The following MARCHF5 variants were observed in gnomAD, a reference collection of about 807,000 sequenced individuals.
The protein encoded by MARCHF5 is E3 ubiquitin-protein ligase MARCHF5.
In MARCHF5, 5 loss-of-function variants were observed where a neutral mutation model predicts 36.5. That is an observed-to-expected ratio of 0.14 (90% CI 0.07 to 0.29). The LOEUF (loss-of-function observed/expected upper bound fraction) is 0.29. MARCHF5 is among the 10% of genes least tolerant of loss of function. The probability of loss-of-function intolerance (pLI) is 1.00; values close to 1 mark genes in which losing one functional copy is unlikely to be tolerated. For missense variants in MARCHF5, 179 were observed against 336.3 expected, an observed-to-expected ratio of 0.53 and a Z score of 3.66; for synonymous variants, 103 against 109.9, an observed-to-expected ratio of 0.94 and a Z score of 0.39.
intron 2 of MARCHF5, among the ~76,000 whole-genome samples, chr10:92,333,882 T>C (rs1184367026): frequency 2.0e-5 from 3 of 152,146 alleles, no homozygotes; most frequent in Admixed American, 6.6e-5. Flanking sequence ...GGTTGGTGTC[T>C]TAGCTTTAGA....
chr10:92,303,878 A>G (rs1043679666), intron 1 of MARCHF5, among the ~76,000 whole-genome samples: 3 of 152,170 alleles, frequency 2.0e-5, no homozygotes, highest in Admixed American at 1.3e-4. Context: ...TGTTGTCTTC[A>G]TATAATGACA....
intron 2 of MARCHF5, among the ~76,000 whole-genome samples, chr10:92,338,281 G>A (rs745454842): frequency 2.6e-5 from 4 of 152,170 alleles, no homozygotes; most frequent in Non-Finnish European, 4.4e-5. Flanking sequence ...TAGCATTTGA[G>A]GGATCTTTGG....
chr10:92,300,162 C>CA (rs377259892), intron 1 of MARCHF5, among the ~76,000 whole-genome samples: 48,530 of 135,624 alleles, frequency 0.36, 9,953 homozygotes, highest in Middle Eastern at 0.53. Context: ...GACCTTGTCT[C>CA]AAAAAAAAAA....
intron 1 of MARCHF5, among the ~76,000 whole-genome samples, chr10:92,294,512 T>A (rs1017353151): frequency 3.9e-5 from 6 of 152,192 alleles, no homozygotes; most frequent in Non-Finnish European, 8.8e-5. Flanking sequence ...CATGGTTCAC[T>A]TGAGGAATAC....
rs747302868 is a variant in MARCHF5, at chr10:92,349,579, G to A, written c.553+47G>A. On this transcript the variant is annotated intron_variant, in intron 4 of 5. Coordinates refer to ENST00000358935, the MANE Select transcript of MARCHF5 (RefSeq NM_017824.5). The stretch of plus-strand genomic sequence containing the variant: ...GTAAAGTGCATACCAAATTGATCTT[G>A]AAGAACAATAACATGCTTTTTTAGC... The A allele has an allele frequency of 3.1e-6, 5 of 1,594,860 alleles. No individual in the cohort carries two copies. The South Asian group carries it at 5.6e-5, about 18-fold the overall frequency.
intron 3 of MARCHF5, among the ~76,000 whole-genome samples, chr10:92,341,514 A>G (rs935015539): frequency 6.6e-6 from 1 of 152,180 alleles, no homozygotes; most frequent in African/African-American, 2.4e-5. Context: ...TTAGAGAGAC[A>G]TAAATTTCAA....
At chr10:92,335,005 G>A (rs10509644) in intron 2 of MARCHF5, among the ~76,000 whole-genome samples, 51,070 of 151,948 alleles carry the variant, frequency 0.34, 10,762 homozygotes, top group Middle Eastern at 0.52. Context: ...GTTGCCATTC[G>A]TTATGTAAAT....
rs139155679 is a variant in MARCHF5 at position 92,353,087 on chromosome 10, A to C, written c.*1880A>C. On this transcript the variant is annotated 3_prime_UTR_variant, in exon 6 of 6. Transcript: ENST00000358935. Reference sequence around the variant, plus strand: ...CTTGGTTTTATAGGTATTAGGGCTCATGAAGGCCGGGGAACAACTCTAATC... The same window carrying C: ...CTTGGTTTTATAGGTATTAGGGCTCCTGAAGGCCGGGGAACAACTCTAATC... The C allele has an allele frequency of 3.1e-4, 47 of 152,322 alleles. No homozygotes were observed. Among genetic ancestry groups the C allele is most frequent in the African/African-American group, 1.1e-3 (45 of 41,566 alleles). 9.4% of individuals were successfully genotyped at this position (152,322 alleles called of 1,614,324 possible). A position where few individuals can be genotyped will look rare whatever the true frequency, so the allele number is the denominator to read the frequency against.
chr10:92,301,303 A>G (rs189178513), intron 1 of MARCHF5, among the ~76,000 whole-genome samples: 86 of 152,392 alleles, frequency 5.6e-4, no homozygotes, highest in African/African-American at 1.9e-3. Flanking sequence ...GCTGCTTTAA[A>G]GTACCTTAGT....
At chr10:92,348,217 G>A (rs1442871432) in intron 3 of MARCHF5, among the ~76,000 whole-genome samples, 9 of 136,886 alleles carry the variant, frequency 6.6e-5, no homozygotes, top group East Asian at 2.3e-4. Flanking sequence ...GGCCAGGCAC[G>A]GTGGCTCGCG....
At chr10:92,333,314 A>G (rs1446327725) in intron 2 of MARCHF5, among the ~76,000 whole-genome samples, 3 of 151,586 alleles carry the variant, frequency 2.0e-5, no homozygotes, top group Admixed American at 6.6e-5. Context: ...GTCCTGTGCC[A>G]TTATATTCCA....
intron 1 of MARCHF5, among the ~76,000 whole-genome samples, chr10:92,294,547 T>C (rs1284560660): frequency 6.6e-6 from 1 of 152,228 alleles, no homozygotes; most frequent in Non-Finnish European, 1.5e-5. Flanking sequence ...GACTAAAATA[T>C]GTCAGCCTAT....
intron 2 of MARCHF5, among the ~76,000 whole-genome samples, chr10:92,332,537 T>TTTTG (rs1843448586): frequency 6.7e-6 from 1 of 148,188 alleles, no homozygotes; most frequent in Admixed American, 6.7e-5. Context: ...TTTTTTTTTT[T>TTTTG]GAGACGGAGT....
chr10:92,333,116 CA>C (rs1843458836), intron 2 of MARCHF5, among the ~76,000 whole-genome samples: 1 of 149,178 alleles, frequency 6.7e-6, no homozygotes, highest in Admixed American at 6.7e-5. Flanking sequence ...GCCAAGATCG[CA>C]CCATTGCACT....
At chr10:92,321,733 T>G (rs1367190586) in intron 2 of MARCHF5, among the ~76,000 whole-genome samples, 4 of 152,134 alleles carry the variant, frequency 2.6e-5, no homozygotes, top group African/African-American at 9.7e-5. Flanking sequence ...TACAGGTCTA[T>G]TCAGATTTTC....
chr10:92,325,918 A>T (rs1843352474), intron 2 of MARCHF5, among the ~76,000 whole-genome samples: 1 of 152,198 alleles, frequency 6.6e-6, no homozygotes, highest in Non-Finnish European at 1.5e-5. Context: ...ATCTCCAGTG[A>T]TCCGCCTGCC....
intron 2 of MARCHF5, among the ~76,000 whole-genome samples, chr10:92,331,408 CTGTT>C (rs1392798051): frequency 6.6e-6 from 1 of 151,982 alleles, no homozygotes; most frequent in Non-Finnish European, 1.5e-5. Context: ...TTTTTAAAAA[CTGTT>C]TGTATCCTTA....
rs779127450 is a variant in MARCHF5, at chr10:92,349,685, G to T, written c.568G>T (p.Val190Phe). 1 of 1,613,772 alleles carries T rather than the reference G, an allele frequency of 6.2e-7. No individual in the cohort carries two copies. Among genetic ancestry groups the T allele is most frequent in the Admixed American group, 1.7e-5 (1 of 59,934 alleles). Residue 190 changes from valine (V) to phenylalanine (F), a missense_variant, in exon 5 of 6, where the codon GTT becomes TTT. Val to Phe is a conservative substitution (Grantham distance 50). Transcript: ENST00000358935. Reference sequence around the variant, plus strand: ...TTTTCCTCTAGGGATAGGTTGTCCTGTTCCTCGAATTCCAGCTGAGGCCAA... The same window carrying T: ...TTTTCCTCTAGGGATAGGTTGTCCTTTTCCTCGAATTCCAGCTGAGGCCAA... ...NSIFPGIGCP[V>F]PRIPAEANPL...
intron 5 of MARCHF5, among the ~76,000 whole-genome samples, chr10:92,350,689 C>A (rs1198012141): frequency 6.6e-6 from 1 of 152,226 alleles, no homozygotes; most frequent in Non-Finnish European, 1.5e-5. Context: ...ATCCTGCATT[C>A]ATGATAAACA....
Sources: allele counts gnomAD v4.1 joint callset (sites outside exome capture counted in the v4.1 genomes callset), GRCh38; gene constraint gnomAD v4.1.1; transcripts MANE v1.5; gene names NCBI Gene and HGNC (gene_info 2026-07-23, HGNC 2026-07-21).